PRUNE2: variants seen among roughly 807,000 people sequenced by gnomAD.
PRUNE2 encodes the protein protein prune homolog 2.
In PRUNE2, 164 loss-of-function variants were observed where a neutral mutation model predicts 252.0. The observed-to-expected ratio is 0.65, with a 90% CI of 0.57 to 0.74. The LOEUF (loss-of-function observed/expected upper bound fraction) is 0.74, where lower values mean the gene tolerates loss of function less well. Ranked by LOEUF, PRUNE2 falls within the 30% of genes least tolerant of loss-of-function variation. The pLI is 0.00. For missense variants in PRUNE2, 3,495 were observed against 3,711.0 expected, an observed-to-expected ratio of 0.94 and a Z score of 1.51; for synonymous variants, 1,292 against 1,350.2, an observed-to-expected ratio of 0.96 and a Z score of 0.94.
At chr9:76,796,810 A>C (rs1170771776) in intron 6 of PRUNE2, among the ~76,000 whole-genome samples, 1 of 152,116 alleles carries the variant, frequency 6.6e-6, no homozygotes, top group East Asian at 1.9e-4. Flanking sequence ...TCAACTGAAG[A>C]CTCAAATAGA....
In PRUNE2 at chr9:76,707,496, A is replaced by C; in HGVS notation, c.4778T>G (p.Val1593Gly). Residue 1593 changes from valine (V) to glycine (G), a missense_variant, in exon 8 of 19, where the codon GTA becomes GGA. Val to Gly is a moderately radical substitution (Grantham distance 109, BLOSUM62 -3). Transcript: ENST00000376718. ...ESELITTDGQ[V>G]EIVTKVKDLE... Reference sequence around the variant, plus strand: ...ATCCTTCACTTTGGTAACTATTTCTACTTGGCCATCAGTGGTAATTAGTTC... The same window carrying C: ...ATCCTTCACTTTGGTAACTATTTCTCCTTGGCCATCAGTGGTAATTAGTTC... 1 of 1,613,906 alleles carries C rather than the reference A, an allele frequency of 6.2e-7. No homozygotes were observed.
intron 6 of PRUNE2, among the ~76,000 whole-genome samples, chr9:76,776,985 G>A (rs1009897258): frequency 2.7e-5 from 4 of 146,698 alleles, no homozygotes; most frequent in Non-Finnish European, 3.0e-5. Flanking sequence ...GGAGATTCTC[G>A]GCACTCCTAA....
intron 4 of PRUNE2, among the ~76,000 whole-genome samples, chr9:76,837,698 T>C (rs2059107796): frequency 6.6e-6 from 1 of 151,800 alleles, no homozygotes; most frequent in Non-Finnish European, 1.5e-5. Flanking sequence ...TCAGTAAAAA[T>C]GATTATAATT....
At chr9:76,892,405 T>C (rs577471086) in intron 1 of PRUNE2, among the ~76,000 whole-genome samples, 6 of 152,212 alleles carry the variant, frequency 3.9e-5, no homozygotes, top group Non-Finnish European at 8.8e-5. Context: ...ATTAATATCT[T>C]TTTCCCTAAT....
intron 6 of PRUNE2, among the ~76,000 whole-genome samples, chr9:76,736,216 T>C (rs1295450556): frequency 6.6e-6 from 1 of 152,092 alleles, no homozygotes; most frequent in Non-Finnish European, 1.5e-5. Context: ...AGAAATAGTA[T>C]AAGCACTCTG....
chr9:76,845,203 G>T (rs1025880795), intron 4 of PRUNE2, among the ~76,000 whole-genome samples: 1 of 151,890 alleles, frequency 6.6e-6, no homozygotes, highest in Non-Finnish European at 1.5e-5. Context: ...CAATGTATTT[G>T]TTTCATATTA....
At chr9:76,622,128 G>A (rs1832619102) in intron 17 of PRUNE2, among the ~76,000 whole-genome samples, 1 of 152,152 alleles carries the variant, frequency 6.6e-6, no homozygotes, top group African/African-American at 2.4e-5. Context: ...CAACAGCAAT[G>A]AACTGAATGT....
chr9:76,752,671 G>A (rs2050742012), intron 6 of PRUNE2, among the ~76,000 whole-genome samples: 1 of 152,150 alleles, frequency 6.6e-6, no homozygotes, highest in African/African-American at 2.4e-5. Context: ...GCATATCACA[G>A]GGATTAATTT....
At chr9:76,644,656 G>T in intron 12 of PRUNE2, 83 bp downstream of exon 12, 2 of 1,310,650 alleles carry the variant, frequency 1.5e-6, no homozygotes, top group Non-Finnish European at 2.2e-6. Context: ...GTCATGTTCC[G>T]GAGAAGTCTA....
intron 1 of PRUNE2, among the ~76,000 whole-genome samples, chr9:76,904,158 A>C (rs961550669): frequency 2.6e-5 from 4 of 152,210 alleles, no homozygotes; most frequent in African/African-American, 9.6e-5. Context: ...AAGAAACGAT[A>C]AAATTAGCAG....
chr9:76,707,395 C>A lies in PRUNE2; in HGVS notation c.4879G>T (p.Asp1627Tyr). 1.2e-6 allele frequency: 2 copies of A among 1,613,856 alleles called. No homozygotes were observed. The highest frequency in any genetic ancestry group is 8.5e-7 in the Non-Finnish European group (1 of 1,179,742). Residue 1627 changes from aspartate to tyrosine, a missense_variant, in exon 8 of 19, where the codon GAC becomes TAC. Coordinates refer to ENST00000376718, the MANE Select transcript of PRUNE2 (RefSeq NM_015225.3). Reference sequence around the variant, plus strand: ...GAAAAGGAATCACCATCAACTGAGTCATTCCAGATCTCTAAAAATGTAGGA... The same window carrying A: ...GAAAAGGAATCACCATCAACTGAGTAATTCCAGATCTCTAAAAATGTAGGA... ...KTPTFLEIWN[D>Y]SVDGDSFSSL... is the part of the protein sequence containing the mutation.
intron 9 of PRUNE2, among the ~76,000 whole-genome samples, chr9:76,670,356 C>T (rs372606445): frequency 6.6e-6 from 1 of 151,528 alleles, no homozygotes; most frequent in African/African-American, 2.4e-5. Flanking sequence ...GCTTAAAAAA[C>T]GGCACACCAC....
In PRUNE2 at chr9:76,612,486, T is replaced by C. The variant is rs1827743507; in HGVS notation, c.*2084A>G. ...GATGCTACTGAGTGAAAGTAGCAAA[T>C]AGGTGAACAAACAGGAATATTGGGT... On this transcript the variant is annotated 3_prime_UTR_variant, in exon 19 of 19. Transcript: ENST00000376718. The C allele has an allele frequency of 6.6e-6, 1 of 151,976 alleles. No homozygotes were observed. The highest frequency in any genetic ancestry group is 1.5e-5 in the Non-Finnish European group (1 of 68,014). 9.4% of individuals were successfully genotyped at this position (151,976 alleles called of 1,614,324 possible).
chr9:76,900,854 C>G (rs1436911011), intron 1 of PRUNE2, among the ~76,000 whole-genome samples: 1 of 152,188 alleles, frequency 6.6e-6, no homozygotes, highest in African/African-American at 2.4e-5. Context: ...GCCTCCATCA[C>G]CAAGCCATTG....
intron 6 of PRUNE2, among the ~76,000 whole-genome samples, chr9:76,721,050 C>T (rs1165057066): frequency 6.6e-6 from 1 of 152,072 alleles, no homozygotes; most frequent in African/African-American, 2.4e-5. Flanking sequence ...TGCAGTGAGC[C>T]GAGATCGCAC....
chr9:76,735,419 C>CTTTTTTT (rs34406993), intron 6 of PRUNE2, among the ~76,000 whole-genome samples: 4 of 133,086 alleles, frequency 3.0e-5, no homozygotes, highest in Non-Finnish European at 4.8e-5. Flanking sequence ...TTTCTTTCTT[C>CTTTTTTT]TTTTTTTTTT....
At chr9:76,735,943 G>A (rs768340094) in intron 6 of PRUNE2, among the ~76,000 whole-genome samples, 7 of 152,122 alleles carry the variant, frequency 4.6e-5, no homozygotes, top group African/African-American at 9.7e-5. Context: ...ATTTACATGC[G>A]TCATTTGTTC....
At position 76,707,595 on chromosome 9, in the gene PRUNE2, CAGG is replaced by C. The variant is rs750529654; in HGVS notation, c.4676_4678del (p.Ser1559del). On this transcript the variant is annotated inframe_deletion, in exon 8 of 19. Transcript: ENST00000376718. ...ATACCCAGAACTGGGTTGCTGGCCCCAGGAGGACAGTGCAACTGAAGAGTCATT... is the reference window on the plus strand; with the variant it reads ...ATACCCAGAACTGGGTTGCTGGCCCCAGGACAGTGCAACTGAAGAGTCATT... The C allele has an allele frequency of 6.2e-7, 1 of 1,613,876 alleles. No homozygotes were observed.
At chr9:76,675,989 G>A (rs1467508952) in intron 9 of PRUNE2, among the ~76,000 whole-genome samples, 2 of 148,130 alleles carry the variant, frequency 1.4e-5, no homozygotes, top group African/African-American at 2.5e-5. Flanking sequence ...TGGGTGCAGC[G>A]CACCAGCATG....
Sources: gnomAD v4.1 joint callset for allele counts (sites outside exome capture counted in the v4.1 genomes callset) on GRCh38, gnomAD v4.1.1 for gene constraint, MANE v1.5 for transcripts, NCBI Gene and HGNC (gene_info 2026-07-23, HGNC 2026-07-21) for gene names.